The following RGS7 variants were observed in gnomAD, a reference collection of about 807,000 sequenced individuals.
RGS7 encodes the protein regulator of G-protein signaling 7.
In RGS7, 27 loss-of-function variants were observed where a neutral mutation model predicts 81.1. That is an observed-to-expected ratio of 0.33 (90% CI 0.25 to 0.46). The LOEUF (loss-of-function observed/expected upper bound fraction) is 0.46, where lower values mean the gene tolerates loss of function less well. RGS7 is among the 20% of genes least tolerant of loss of function. The pLI, the probability that RGS7 is intolerant of heterozygous loss-of-function variation, is 1.00. For missense variants in RGS7, 396 were observed against 607.4 expected (o/e 0.65, Z 3.66); for synonymous variants, 208 against 207.7 (o/e 1.00, Z -0.01).
At chr1:241,025,533 T>C (rs2059740107) in intron 3 of RGS7, among the ~76,000 whole-genome samples, 1 of 152,190 alleles carries the variant, frequency 6.6e-6, no homozygotes, top group African/African-American at 2.4e-5. Context: ...CTCTAACTAC[T>C]TGGCATGCCT....
intron 3 of RGS7, 108 bp from the exon 4 acceptor site, chr1:240,983,237 A>G (rs1267638353): frequency 1.7e-6 from 1 of 581,880 alleles, no homozygotes; most frequent in African/African-American, 1.9e-5. Flanking sequence ...GAACTTTTCT[A>G]ATTGTTACAA....
chr1:240,814,224 G>T (rs1002032897), intron 12 of RGS7, among the ~76,000 whole-genome samples: 1 of 152,190 alleles, frequency 6.6e-6, no homozygotes, highest in Non-Finnish European at 1.5e-5. Flanking sequence ...GTAGGATTTG[G>T]CAATGCCCAA....
chr1:240,899,192 C>T (rs261818), intron 6 of RGS7, among the ~76,000 whole-genome samples: 86,757 of 151,880 alleles, frequency 0.57, 25,429 homozygotes, highest in African/African-American at 0.72. Context: ...GTACATGAGA[C>T]GGGTCTCCTG....
chr1:241,066,652 GCTC>G (rs1366786522), intron 3 of RGS7, among the ~76,000 whole-genome samples: 1 of 151,896 alleles, frequency 6.6e-6, no homozygotes, highest in Non-Finnish European at 1.5e-5. Context: ...CTTTCCTCTC[GCTC>G]CTCAAATTAT....
At chr1:240,905,567 G>A (rs1245980681) in intron 6 of RGS7, among the ~76,000 whole-genome samples, 1 of 152,180 alleles carries the variant, frequency 6.6e-6, no homozygotes, top group African/African-American at 2.4e-5. Flanking sequence ...ATTAATTGCT[G>A]AGTCAGGATA....
chr1:241,074,768 A>G (rs1179787164), intron 3 of RGS7, among the ~76,000 whole-genome samples: 2 of 152,200 alleles, frequency 1.3e-5, no homozygotes, highest in Non-Finnish European at 2.9e-5. Context: ...AGGTTGTTAC[A>G]CAAAGGAAAT....
intron 2 of RGS7, among the ~76,000 whole-genome samples, chr1:241,284,794 C>T (rs1364756756): frequency 6.6e-6 from 1 of 152,172 alleles, no homozygotes; most frequent in Admixed American, 6.5e-5. Context: ...AGTGATGCTA[C>T]AGTTTTTTCT....
rs115162763 is a variant in RGS7, at chr1:241,306,443, C to T, written c.78+49256G>A. Among the ~76,000 whole-genome samples the T allele has an allele frequency of 3.0e-3, 446 of 149,460 alleles. 3 individuals carry two copies. Among genetic ancestry groups the T allele is most frequent in the African/African-American group, 3.7e-3 (151 of 40,530 alleles). ...CGTCCATACACCCTTTACACACACC[C>T]CCACACAGGCACATATGCACACGTC... On this transcript the variant is annotated intron_variant, in intron 2 of 18. Transcript: ENST00000440928.
intron 2 of RGS7, among the ~76,000 whole-genome samples, chr1:241,339,248 A>G (rs1467479462): frequency 6.6e-6 from 1 of 152,216 alleles, no homozygotes; most frequent in Non-Finnish European, 1.5e-5. Context: ...GTAGTATTCC[A>G]TGGTGTATAC....
At chr1:241,011,802 A>G (rs1336087823) in intron 3 of RGS7, among the ~76,000 whole-genome samples, 2 of 152,182 alleles carry the variant, frequency 1.3e-5, no homozygotes, top group African/African-American at 2.4e-5. Context: ...AATTAAGAAA[A>G]TTAATCCTAT....
At chr1:240,802,107 G>A (rs956372492) in intron 16 of RGS7, among the ~76,000 whole-genome samples, 1 of 152,098 alleles carries the variant, frequency 6.6e-6, no homozygotes, top group African/African-American at 2.4e-5. Context: ...TCCATTTCTA[G>A]TTGTAAAGGC....
At chr1:240,833,050 ATAAC>A (rs112553561) in intron 9 of RGS7, among the ~76,000 whole-genome samples, 5 of 152,354 alleles carry the variant, frequency 3.3e-5, no homozygotes, top group East Asian at 1.9e-4. Context: ...ATTAACAACA[ATAAC>A]TAATAATAAA....
At chr1:241,169,959 T>C (rs1572973853) in intron 2 of RGS7, among the ~76,000 whole-genome samples, 2 of 152,142 alleles carry the variant, frequency 1.3e-5, no homozygotes, top group African/African-American at 4.8e-5. Flanking sequence ...TAAAAGAATA[T>C]ACTCAGATCT....
In RGS7 at chr1:240,979,081, G is replaced by C. The variant is rs140438366; in HGVS notation, c.226+3998C>G. ...AAAGGCATTACAGGTATCTAGGCAG[G>C]ATAAAAAATCAGTTTTAAAAAACAG... On this transcript the variant is annotated intron_variant, in intron 4 of 18. Coordinates refer to ENST00000440928, the MANE Select transcript of RGS7 (RefSeq NM_001364886.1). 1.6e-3 allele frequency among the ~76,000 whole-genome samples: 247 copies of C among 152,134 alleles called. 1 individual carries two copies. Among genetic ancestry groups the C allele is most frequent in the African/African-American group, 5.9e-3 (246 of 41,492 alleles).
chr1:241,032,909 A>T (rs999110519), intron 3 of RGS7, among the ~76,000 whole-genome samples: 2 of 152,196 alleles, frequency 1.3e-5, no homozygotes, highest in African/African-American at 4.8e-5. Flanking sequence ...TAGGTATAAG[A>T]TCATATTGTC....
intron 6 of RGS7, among the ~76,000 whole-genome samples, chr1:240,918,803 T>C (rs1457488213): frequency 6.6e-6 from 1 of 151,174 alleles, no homozygotes; most frequent in Non-Finnish European, 1.5e-5. Context: ...TCTGGGTGCT[T>C]AAAACAATTA....
chr1:241,205,179 C>G (rs139068428), intron 2 of RGS7, among the ~76,000 whole-genome samples: 2 of 149,458 alleles, frequency 1.3e-5, no homozygotes, highest in South Asian at 2.1e-4. Context: ...TGGGTTCAAG[C>G]GATTCTCCTG....
At chr1:241,187,264 C>T (rs1206038284) in intron 2 of RGS7, among the ~76,000 whole-genome samples, 2 of 152,014 alleles carry the variant, frequency 1.3e-5, no homozygotes, top group East Asian at 3.9e-4. Flanking sequence ...TACTGGAAAT[C>T]AAGCATTTTA....
At chr1:240,809,054 T>C (rs1028670673) in intron 14 of RGS7, among the ~76,000 whole-genome samples, 3 of 152,152 alleles carry the variant, frequency 2.0e-5, no homozygotes, top group Non-Finnish European at 1.5e-5. Flanking sequence ...ATTCCGTTAA[T>C]GTATACTAAT....
Sources: gnomAD v4.1 joint callset for allele counts (sites outside exome capture counted in the v4.1 genomes callset) on GRCh38, gnomAD v4.1.1 for gene constraint, MANE v1.5 for transcripts, NCBI Gene and HGNC (gene_info 2026-07-23, HGNC 2026-07-21) for gene names.